Variants in ZBTB7C observed in about 807,000 individuals in gnomAD.
The protein encoded by ZBTB7C is zinc finger and BTB domain containing 7C.
ZBTB7C carries 8 observed loss-of-function variants against 25.7 expected under a neutral mutation model. That is an observed-to-expected ratio of 0.31 (90% CI 0.18 to 0.56). The LOEUF (loss-of-function observed/expected upper bound fraction) is 0.56. ZBTB7C is among the 20% of genes least tolerant of loss of function. The pLI is 0.91. For synonymous variants in ZBTB7C, 394 were observed against 369.0 expected, an observed-to-expected ratio of 1.07 and a Z score of -0.78; for missense variants, 824 against 855.2, an observed-to-expected ratio of 0.96 and a Z score of 0.46.
intron 3 of ZBTB7C, among the ~76,000 whole-genome samples, chr18:48,053,158 C>T (rs1314496260): frequency 6.6e-6 from 1 of 152,220 alleles, no homozygotes; most frequent in Non-Finnish European, 1.5e-5. Context: ...TCCCTTCCGC[C>T]TGCCCCAGAG....
chr18:48,328,328 G>A (rs946176331), intron 2 of ZBTB7C, among the ~76,000 whole-genome samples: 21 of 152,040 alleles, frequency 1.4e-4, no homozygotes, highest in East Asian at 1.9e-4. Context: ...ATGTGGATCC[G>A]GCTATAGATA....
intron 3 of ZBTB7C, among the ~76,000 whole-genome samples, chr18:48,090,100 C>T (rs759750033): frequency 4.6e-5 from 7 of 152,180 alleles, no homozygotes; most frequent in Admixed American, 2.6e-4. Context: ...GGACCCATCG[C>T]GGGAAGTGCC....
At chr18:48,386,841 GCTTT>G (rs1440987877) in intron 1 of ZBTB7C, among the ~76,000 whole-genome samples, 3 of 152,130 alleles carry the variant, frequency 2.0e-5, no homozygotes, top group Admixed American at 1.3e-4. Flanking sequence ...CTCAAATTGC[GCTTT>G]CTATCTTCCC....
chr18:48,158,019 G>A (rs931484715), intron 3 of ZBTB7C, among the ~76,000 whole-genome samples: 6 of 152,068 alleles, frequency 3.9e-5, no homozygotes, highest in Non-Finnish European at 7.4e-5. Context: ...ATGCCCTGGG[G>A]ACCATCTCTG....
intron 1 of ZBTB7C, among the ~76,000 whole-genome samples, chr18:48,345,906 T>C (rs572019963): frequency 6.6e-6 from 1 of 152,322 alleles, no homozygotes; most frequent in Admixed American, 6.5e-5. Context: ...AATGTTAAAA[T>C]GGGTTTATGG....
intron 3 of ZBTB7C, among the ~76,000 whole-genome samples, chr18:48,096,989 A>G (rs1432603363): frequency 1.3e-5 from 2 of 152,218 alleles, no homozygotes; most frequent in Admixed American, 6.5e-5. Flanking sequence ...CACTGCTACT[A>G]CTATCAAGGT....
chr18:48,200,405 A>G (rs2042413338), intron 2 of ZBTB7C, among the ~76,000 whole-genome samples: 1 of 151,950 alleles, frequency 6.6e-6, no homozygotes, highest in Non-Finnish European at 1.5e-5. Context: ...AGGAGGGCAA[A>G]TCTAACCCCT....
At chr18:48,304,222 G>A (rs1230606187) in intron 2 of ZBTB7C, among the ~76,000 whole-genome samples, 1 of 152,350 alleles carries the variant, frequency 6.6e-6, no homozygotes, top group East Asian at 1.9e-4. Context: ...GGGGTACCTT[G>A]CACCTGGTGT....
At chr18:48,162,225 T>G in intron 3 of ZBTB7C, 1 of 387,934 alleles carries the variant, frequency 2.6e-6, no homozygotes, top group Non-Finnish European at 5.3e-6. Flanking sequence ...CCAGCCTCCT[T>G]CCCTGCAGCC....
At chr18:48,039,786 ATG>A in intron 4 of ZBTB7C, 112 bp downstream of exon 4, 6 of 1,110,480 alleles carry the variant, frequency 5.4e-6, no homozygotes, top group Non-Finnish European at 6.6e-6. Context: ...ACGAGCCTGC[ATG>A]TGTGTGGGAT....
chr18:48,362,701 C>T (rs930516242), intron 1 of ZBTB7C, among the ~76,000 whole-genome samples: 5 of 150,210 alleles, frequency 3.3e-5, no homozygotes, highest in Admixed American at 6.6e-5. Context: ...GGCCCTTTTT[C>T]GTTTTCTAAA....
At chr18:48,139,745 C>G (rs2040285601) in intron 3 of ZBTB7C, among the ~76,000 whole-genome samples, 1 of 151,792 alleles carries the variant, frequency 6.6e-6, no homozygotes, top group Admixed American at 6.6e-5. Context: ...CTCCTGGGAA[C>G]AGGAACATAA....
intron 3 of ZBTB7C, among the ~76,000 whole-genome samples, chr18:48,154,494 T>C (rs779747471): frequency 2.0e-5 from 3 of 152,236 alleles, no homozygotes; most frequent in Non-Finnish European, 1.5e-5. Context: ...CGTTCTTTCA[T>C]GGCAGTCTCC....
intron 1 of ZBTB7C, among the ~76,000 whole-genome samples, chr18:48,403,349 C>A (rs2048204386): frequency 6.6e-6 from 1 of 152,226 alleles, no homozygotes; most frequent in South Asian, 2.1e-4. Context: ...CATCTCTCAA[C>A]AATGGCCCTC....
chr18:48,180,290 T>C, intron 3 of ZBTB7C: 3 of 456,562 alleles, frequency 6.6e-6, no homozygotes, highest in Non-Finnish European at 1.3e-5. Flanking sequence ...TTAATCTCCC[T>C]AGACCTTCTT....
chr18:48,366,195 T>C (rs2047217900), intron 1 of ZBTB7C, among the ~76,000 whole-genome samples: 1 of 152,178 alleles, frequency 6.6e-6, no homozygotes, highest in Non-Finnish European at 1.5e-5. Flanking sequence ...AGAAGACCCA[T>C]AATAAATCAA....
intron 2 of ZBTB7C, among the ~76,000 whole-genome samples, chr18:48,240,079 AC>A (rs1193939944): frequency 1.3e-5 from 2 of 152,144 alleles, no homozygotes; most frequent in Non-Finnish European, 2.9e-5. Context: ...TACACTGGAA[AC>A]TTTCAACAAT....
intron 3 of ZBTB7C, among the ~76,000 whole-genome samples, chr18:48,071,286 T>C (rs1598822486): frequency 6.6e-6 from 1 of 152,290 alleles, no homozygotes; most frequent in East Asian, 1.9e-4. Flanking sequence ...TTTATAATTT[T>C]GAGTAAAGAA....
At chr18:48,327,348 A>G (rs1290046527) in intron 2 of ZBTB7C, among the ~76,000 whole-genome samples, 1 of 152,168 alleles carries the variant, frequency 6.6e-6, no homozygotes, top group Non-Finnish European at 1.5e-5. Flanking sequence ...CGCAGTGTTC[A>G]AATTCTCAGG....
Sources: allele counts gnomAD v4.1 joint callset (sites outside exome capture counted in the v4.1 genomes callset), GRCh38; gene constraint gnomAD v4.1.1; transcripts MANE v1.5; gene names NCBI Gene and HGNC (gene_info 2026-07-23, HGNC 2026-07-21).